Variants in GALNT3 observed in about 807,000 individuals in gnomAD.
The protein encoded by GALNT3 is polypeptide N-acetylgalactosaminyltransferase 3, also known as GalNAc transferase 3.
A neutral mutation model predicts 69.8 loss-of-function variants in GALNT3; 51 were observed. The ratio of observed to expected loss-of-function variants is 0.73; its 90% CI spans 0.58 to 0.92. GALNT3 has a LOEUF of 0.92. Ranked by LOEUF, GALNT3 falls within the 40% of genes least tolerant of loss-of-function variation. GALNT3 has a pLI of 0.00. For missense variants in GALNT3, 711 were observed against 760.0 expected, an observed-to-expected ratio of 0.94 and a Z score of 0.76; for synonymous variants, 265 against 248.5, an observed-to-expected ratio of 1.07 and a Z score of -0.63.
intron 1 of GALNT3, among the ~76,000 whole-genome samples, chr2:165,792,697 G>A (rs1683378206): frequency 6.6e-6 from 1 of 151,700 alleles, no homozygotes; most frequent in Non-Finnish European, 1.5e-5. Context: ...TAAAAATGTT[G>A]GTTAAAGCAA....
rs563229801 is a variant in GALNT3, at chr2:165,783,415, G to C, written c.-109+10600C>G. ...AGGCCCCAAAAATATTAAGGAATAG[G>C]GGGTGAAGGAATAAAGAAGATTGCT... On this transcript the variant is annotated intron_variant, in intron 1 of 10. Coordinates refer to ENST00000392701, the MANE Select transcript of GALNT3 (RefSeq NM_004482.4). 9.2e-5 allele frequency among the ~76,000 whole-genome samples: 14 copies of C among 152,200 alleles called. No homozygotes were observed. The South Asian group carries it at 2.9e-3, about 32-fold the overall frequency.
chr2:165,791,246 G>A (rs1162474842), intron 1 of GALNT3, among the ~76,000 whole-genome samples: 3 of 142,724 alleles, frequency 2.1e-5, no homozygotes, highest in South Asian at 2.2e-4. Flanking sequence ...CATGTGAGTG[G>A]GTGTGTGCCT....
At chr2:165,778,880 TGG>T (rs1485861906) in intron 1 of GALNT3, among the ~76,000 whole-genome samples, 1 of 151,834 alleles carries the variant, frequency 6.6e-6, no homozygotes, top group Non-Finnish European at 1.5e-5. Context: ...GCTGGCTGCC[TGG>T]GACAAAGGTT....
chr2:165,790,246 A>G (rs1240148313), intron 1 of GALNT3, among the ~76,000 whole-genome samples: 1 of 152,178 alleles, frequency 6.6e-6, no homozygotes, highest in African/African-American at 2.4e-5. Flanking sequence ...CAACTCTGAG[A>G]ATGACCCAAG....
chr2:165,756,969 T>A, intron 7 of GALNT3, 78 bp downstream of exon 7: 1 of 1,111,724 alleles, frequency 9.0e-7, no homozygotes, highest in South Asian at 1.3e-5. Context: ...TGTTTTGTAC[T>A]TGAGATGAAT....
At chr2:165,786,544 C>G (rs1439516751) in intron 1 of GALNT3, among the ~76,000 whole-genome samples, 1 of 152,182 alleles carries the variant, frequency 6.6e-6, no homozygotes, top group African/African-American at 2.4e-5. Flanking sequence ...CTCTAGATTA[C>G]TTTTAATGCC....
Position 165,771,684 on chromosome 2 carries a change from T to G in GALNT3, c.-108-876A>C, listed in dbSNP as rs957973642. 2.0e-5 allele frequency: 3 copies of G among 152,218 alleles called. No homozygotes were observed. In the South Asian group the frequency reaches 6.2e-4, roughly 32 times the overall value. 9.4% of individuals were successfully genotyped at this position (152,218 alleles called of 1,614,324 possible). On this transcript the variant is annotated intron_variant, in intron 1 of 10. Coordinates refer to ENST00000392701, the MANE Select transcript of GALNT3 (RefSeq NM_004482.4). ...AACGATTACATACTATGAGCCGCGATAGCCAGTCAAGAAATTTGCAGGGAC... is the reference window on the plus strand; with the variant it reads ...AACGATTACATACTATGAGCCGCGAGAGCCAGTCAAGAAATTTGCAGGGAC...
chr2:165,775,613 A>G (rs1199608297), intron 1 of GALNT3, among the ~76,000 whole-genome samples: 1 of 152,194 alleles, frequency 6.6e-6, no homozygotes, highest in African/African-American at 2.4e-5. Context: ...ATGACACTCA[A>G]CACTAAGCAT....
intron 1 of GALNT3, among the ~76,000 whole-genome samples, chr2:165,788,833 T>C (rs1294613629): frequency 6.6e-6 from 1 of 152,170 alleles, no homozygotes; most frequent in African/African-American, 2.4e-5. Flanking sequence ...TCAGATCCCA[T>C]GGGACCATTT....
chr2:165,779,328 A>G (rs1371846254), intron 1 of GALNT3, among the ~76,000 whole-genome samples: 1 of 152,220 alleles, frequency 6.6e-6, no homozygotes, highest in Non-Finnish European at 1.5e-5. Flanking sequence ...AATACAGTAA[A>G]TTTGGAACTA....
chr2:165,764,779 A>G, intron 3 of GALNT3, 105 bp downstream of exon 3: 1 of 1,135,488 alleles, frequency 8.8e-7, no homozygotes. Context: ...AAACTATTAT[A>G]TTCAAGCTCT....
intron 2 of GALNT3, among the ~76,000 whole-genome samples, chr2:165,765,758 G>A (rs1319472026): frequency 2.0e-5 from 3 of 152,032 alleles, no homozygotes; most frequent in African/African-American, 7.2e-5. Flanking sequence ...AAAGTGCTGG[G>A]ATTACACACG....
Position 165,761,933 on chromosome 2 carries a change from A to G in GALNT3, c.810T>C (p.Ala270=). 1 of 1,614,142 alleles carries G rather than the reference A, an allele frequency of 6.2e-7. No homozygotes were observed. The highest frequency in any genetic ancestry group is 8.5e-7 in the Non-Finnish European group (1 of 1,180,026). Residue 270 remains alanine, a synonymous_variant, in exon 4 of 11, where the codon GCT becomes GCC. Transcript: ENST00000392701. ...GAGCATCTAAAAATGTGAGCGTTTC[A>G]GCTGTTGCGACTGTTGCTCCTAGCA... ...ARLLGATVAT[A]ETLTFLDAHC...
At position 165,761,927 on chromosome 2, in the gene GALNT3, C is replaced by G. The variant is rs140732631; in HGVS notation, c.816G>C (p.Thr272=). 1.9e-6 allele frequency: 3 copies of G among 1,613,988 alleles called. No homozygotes were observed. In the African/African-American group the frequency reaches 4.0e-5, roughly 22 times the overall value. The part of the protein sequence containing the change: ...LLGATVATAE[T]LTFLDAHCEC... ...TACAGTGAGCATCTAAAAATGTGAG[C>G]GTTTCAGCTGTTGCGACTGTTGCTC... The change falls in exon 4 of 11, where the codon ACG becomes ACC. Residue 272 remains threonine, a synonymous_variant. Transcript: ENST00000392701.
At chr2:165,791,879 T>C (rs1683360667) in intron 1 of GALNT3, among the ~76,000 whole-genome samples, 1 of 152,174 alleles carries the variant, frequency 6.6e-6, no homozygotes, top group Non-Finnish European at 1.5e-5. Flanking sequence ...AGTCAGGCAA[T>C]ATTTGGACAA....
intron 2 of GALNT3, among the ~76,000 whole-genome samples, chr2:165,768,996 T>G (rs532433620): frequency 4.7e-5 from 7 of 148,940 alleles, no homozygotes; most frequent in African/African-American, 1.7e-4. Context: ...GGTTTCACCA[T>G]GTTGGCCAGG....
At chr2:165,754,392 CTTTTTTTTTTTTTTTT>C (rs137893523) in intron 9 of GALNT3, among the ~76,000 whole-genome samples, 647 of 61,192 alleles carry the variant, frequency 0.011, 21 homozygotes, top group African/African-American at 0.036. Context: ...GCTCGGCCTC[CTTTTTTTTTTTTTTTT>C]TTTTTTTTTA....
chr2:165,756,402 C>A (rs1033525947), intron 7 of GALNT3, among the ~76,000 whole-genome samples: 1 of 152,218 alleles, frequency 6.6e-6, no homozygotes, highest in South Asian at 2.1e-4. Flanking sequence ...AGGTTAATAA[C>A]AAGAGTACCA....
At chr2:165,792,113 T>A (rs1188994639) in intron 1 of GALNT3, among the ~76,000 whole-genome samples, 1 of 152,192 alleles carries the variant, frequency 6.6e-6, no homozygotes, top group African/African-American at 2.4e-5. Context: ...CAATTTTTCA[T>A]AAATGGATGG....
Sources: allele counts gnomAD v4.1 joint callset (sites outside exome capture counted in the v4.1 genomes callset), GRCh38; gene constraint gnomAD v4.1.1; transcripts MANE v1.5; gene names NCBI Gene and HGNC (gene_info 2026-07-23, HGNC 2026-07-21).